Variants in PCSK2 observed in about 807,000 individuals in gnomAD.
The protein encoded by PCSK2 is proprotein convertase subtilisin/kexin type 2.
In PCSK2, 14 loss-of-function variants were observed where a neutral mutation model predicts 69.7. The observed-to-expected ratio is 0.20, with a 90% CI of 0.13 to 0.31. The LOEUF is 0.31. Ranked by LOEUF, PCSK2 falls within the 10% of genes least tolerant of loss-of-function variation. PCSK2 has a pLI of 1.00. For synonymous variants in PCSK2, 307 were observed against 320.7 expected (o/e 0.96, Z 0.46); for missense variants, 544 against 842.5 (o/e 0.65, Z 4.39).
intron 5 of PCSK2, among the ~76,000 whole-genome samples, chr20:17,391,901 AGAGAG>A (rs1600542907): frequency 7.9e-5 from 2 of 25,460 alleles, no homozygotes; most frequent in East Asian, 2.5e-3. Context: ...AGAGAGAAAG[AGAGAG>A]AGGAAGGAAG....
chr20:17,258,664 C>G (rs1987267448), intron 1 of PCSK2, among the ~76,000 whole-genome samples: 1 of 151,976 alleles, frequency 6.6e-6, no homozygotes, highest in African/African-American at 2.4e-5. Flanking sequence ...CACATGTACC[C>G]CCAAACCCAA....
intron 5 of PCSK2, among the ~76,000 whole-genome samples, chr20:17,390,658 T>C (rs915202252): frequency 2.6e-5 from 4 of 152,232 alleles, no homozygotes; most frequent in African/African-American, 9.6e-5. Context: ...AGTTTAATCA[T>C]TTGTACTAAT....
At position 17,311,023 on chromosome 20, in the gene PCSK2, G is replaced by A. The variant is rs1017765153; in HGVS notation, c.283-47304G>A. Reference sequence around the variant, plus strand: ...TCTCAAAAAAAAAAAAAAAAATCATGGAAAAAGTGAATAAATGGTCTTCCT... The same window carrying A: ...TCTCAAAAAAAAAAAAAAAAATCATAGAAAAAGTGAATAAATGGTCTTCCT... On this transcript the variant is annotated intron_variant, in intron 2 of 11. Coordinates refer to ENST00000262545, the MANE Select transcript of PCSK2 (RefSeq NM_002594.5). Among the ~76,000 whole-genome samples the A allele has an allele frequency of 1.2e-3, 181 of 145,322 alleles. 3 individuals carry two copies. Among genetic ancestry groups the A allele is most frequent in the Non-Finnish European group, 1.5e-4 (10 of 66,358 alleles).
intron 8 of PCSK2, among the ~76,000 whole-genome samples, chr20:17,445,803 A>G (rs1199390710): frequency 6.6e-6 from 1 of 152,238 alleles, no homozygotes; most frequent in Non-Finnish European, 1.5e-5. Flanking sequence ...ACTGAGCAGA[A>G]CTGCTGCAGC....
intron 2 of PCSK2, among the ~76,000 whole-genome samples, chr20:17,357,562 A>G (rs745771781): frequency 3.9e-5 from 6 of 152,148 alleles, no homozygotes; most frequent in Non-Finnish European, 8.8e-5. Context: ...CCATTGTTTT[A>G]TTTCACTTAA....
At chr20:17,258,638 C>T (rs533917384) in intron 1 of PCSK2, among the ~76,000 whole-genome samples, 1 of 152,154 alleles carries the variant, frequency 6.6e-6, no homozygotes, top group South Asian at 2.1e-4. Flanking sequence ...ACGTGTTTAC[C>T]TATGTAACAA....
At chr20:17,239,841 C>CTTTTTTTTTTTTTTTTTT (rs869179656) in intron 1 of PCSK2, among the ~76,000 whole-genome samples, 1 of 68,648 alleles carries the variant, frequency 1.5e-5, no homozygotes, top group Non-Finnish European at 2.6e-5. Context: ...GGTGAAAACA[C>CTTTTTTTTTTTTTTTTTT]TTTTTTTTTT....
chr20:17,329,354 G>A (rs1396947113), intron 2 of PCSK2, among the ~76,000 whole-genome samples: 4 of 152,120 alleles, frequency 2.6e-5, no homozygotes, highest in Non-Finnish European at 5.9e-5. Flanking sequence ...TTATATATGA[G>A]CTAACCCCAA....
chr20:17,311,094 C>A (rs1989496462), intron 2 of PCSK2, among the ~76,000 whole-genome samples: 1 of 151,474 alleles, frequency 6.6e-6, no homozygotes, highest in African/African-American at 2.4e-5. Flanking sequence ...GAAAGATCAA[C>A]AACTAGAGTA....
intron 5 of PCSK2, among the ~76,000 whole-genome samples, chr20:17,391,094 T>C (rs917965805): frequency 2.0e-5 from 3 of 152,228 alleles, no homozygotes; most frequent in Admixed American, 1.3e-4. Context: ...TGTGTGAATA[T>C]CCCTTTAGAA....
intron 2 of PCSK2, among the ~76,000 whole-genome samples, chr20:17,343,522 G>A (rs1021205579): frequency 3.3e-5 from 5 of 152,200 alleles, no homozygotes; most frequent in African/African-American, 7.2e-5. Context: ...CTCTGCATGC[G>A]GGAGGCAGAA....
chr20:17,293,304 T>C (rs1255880703), intron 2 of PCSK2, among the ~76,000 whole-genome samples: 1 of 152,236 alleles, frequency 6.6e-6, no homozygotes, highest in Non-Finnish European at 1.5e-5. Flanking sequence ...ACTTGTGTTT[T>C]ATAATATATT....
chr20:17,295,824 G>A (rs1988873848), intron 2 of PCSK2, among the ~76,000 whole-genome samples: 1 of 152,056 alleles, frequency 6.6e-6, no homozygotes, highest in South Asian at 2.1e-4. Context: ...TCAAAGTGGT[G>A]GGATTACATG....
intron 2 of PCSK2, among the ~76,000 whole-genome samples, chr20:17,288,413 C>G (rs1202613418): frequency 6.6e-6 from 1 of 152,172 alleles, no homozygotes; most frequent in Admixed American, 6.5e-5. Flanking sequence ...GGTGCAAAGA[C>G]AGCTCTGGAT....
chr20:17,336,645 C>G (rs1005108528), intron 2 of PCSK2, among the ~76,000 whole-genome samples: 1 of 152,220 alleles, frequency 6.6e-6, no homozygotes, highest in Non-Finnish European at 1.5e-5. Context: ...GGTGCCCCCA[C>G]TACACACTGT....
At chr20:17,431,069 A>C (rs114258915) in intron 7 of PCSK2, among the ~76,000 whole-genome samples, 1,993 of 152,218 alleles carry the variant, frequency 0.013, 49 homozygotes, top group African/African-American at 0.046. Context: ...TAAAAGCAAA[A>C]CCTGAGACAA....
chr20:17,372,265 G>C (rs2030790731), intron 5 of PCSK2, among the ~76,000 whole-genome samples: 1 of 152,104 alleles, frequency 6.6e-6, no homozygotes, highest in Non-Finnish European at 1.5e-5. Flanking sequence ...TGTAGTCCCA[G>C]ATACTCAGGA....
rs36062712 is a variant in PCSK2, at chr20:17,398,523, CAAAAAAAAAA to C, written c.544-10726_544-10717del. ...TGGGTTACAGAGTGAGATCCTGTCT[CAAAAAAAAAA>C]AAAAAAAAAAAAATGCAGATTCAGT... On this transcript the variant is annotated intron_variant, in intron 5 of 11. Coordinates refer to ENST00000262545, the MANE Select transcript of PCSK2 (RefSeq NM_002594.5). Among the ~76,000 whole-genome samples, 3 of 85,212 alleles carry C rather than the reference CAAAAAAAAAA, an allele frequency of 3.5e-5. No individual in the cohort carries two copies. The Admixed American group carries it at 4.5e-4, about 13-fold the overall frequency. The allele number at this position is 85,212 out of a possible 152,430, so 55.9% of individuals were successfully genotyped here.
chr20:17,386,022 T>G (rs777871351), intron 5 of PCSK2, among the ~76,000 whole-genome samples: 3 of 152,214 alleles, frequency 2.0e-5, no homozygotes, highest in Non-Finnish European at 4.4e-5. Context: ...GTTGTGTCAA[T>G]GTGCACTGAT....
Sources: allele counts gnomAD v4.1 joint callset (sites outside exome capture counted in the v4.1 genomes callset), GRCh38; gene constraint gnomAD v4.1.1; transcripts MANE v1.5; gene names NCBI Gene and HGNC (gene_info 2026-07-23, HGNC 2026-07-21).